The following SHC2 variants were observed in gnomAD, a reference collection of about 807,000 sequenced individuals.
SHC2 encodes the protein SHC-transforming protein 2.
In SHC2, 62 loss-of-function variants were observed where a neutral mutation model predicts 60.6. The ratio of observed to expected loss-of-function variants is 1.02; its 90% CI spans 0.83 to 1.26. The LOEUF is 1.26. Ranked by LOEUF, SHC2 falls within the 50% of genes most tolerant of loss-of-function variation. The probability of loss-of-function intolerance (pLI) is 0.00; values close to 1 mark genes in which losing one functional copy is unlikely to be tolerated. For synonymous variants in SHC2, 375 were observed against 372.4 expected (o/e 1.01, Z -0.08); for missense variants, 873 against 822.2 (o/e 1.06, Z -0.76).
Position 446,603 on chromosome 19 carries a change from C to T in SHC2, c.469-5671G>A, listed in dbSNP as rs1975060218. Among the ~76,000 whole-genome samples, 2 of 152,184 alleles carry T rather than the reference C, an allele frequency of 1.3e-5. No individual in the cohort carries two copies. The highest frequency in any genetic ancestry group is 2.4e-5 in the African/African-American group (1 of 41,440). The stretch of plus-strand genomic sequence containing the variant: ...TACAGGCGTGAGTCACCGCGCCCGG[C>T]TGTCTGTGTTGTTTTAAGCCCCACA... On this transcript the variant is annotated intron_variant, in intron 1 of 12. Coordinates refer to ENST00000264554, the MANE Select transcript of SHC2 (RefSeq NM_012435.3). This position sits in a 1 kb window ranked among gnomAD's most constrained non-coding sequence, Gnocchi z 5.4.
chr19:434,880 A>G lies in SHC2; in HGVS notation c.954-15T>C. 1.2e-6 allele frequency: 2 copies of G among 1,606,820 alleles called. No homozygotes were observed. Among genetic ancestry groups the G allele is most frequent in the African/African-American group, 1.3e-5 (1 of 74,994 alleles). ...GCCCTGCCAGCCTGGGGGACAGACAACAACGGCCATGGCACAGGCAGGGCC... is the reference window on the plus strand; with the variant it reads ...GCCCTGCCAGCCTGGGGGACAGACAGCAACGGCCATGGCACAGGCAGGGCC... On this transcript the variant is annotated splice_polypyrimidine_tract_variant and intron_variant, in intron 7 of 12. Transcript: ENST00000264554.
Position 441,263 on chromosome 19 carries a change from G to A in SHC2, c.469-331C>T. 1.4e-6 allele frequency: 1 copy of A among 690,718 alleles called. No individual in the cohort carries two copies. Among genetic ancestry groups the A allele is most frequent in the South Asian group, 6.8e-5 (1 of 14,674 alleles). 42.8% of individuals were successfully genotyped at this position (690,718 alleles called of 1,614,324 possible). A position where few individuals can be genotyped will look rare whatever the true frequency, so the allele number is the denominator to read the frequency against. On this transcript the variant is annotated intron_variant, in intron 1 of 12. Coordinates refer to ENST00000264554, the MANE Select transcript of SHC2 (RefSeq NM_012435.3). This position sits in a 1 kb window ranked among gnomAD's most constrained non-coding sequence, Gnocchi z 4.9. ...GTTCCACCAGCACCGAAGCCGAGGA[G>A]CGTGGGGATGGTGCGATCCTGAGCA...
At chr19:443,114 T>C (rs1319108671) in intron 1 of SHC2, among the ~76,000 whole-genome samples, 2 of 82,096 alleles carry the variant, frequency 2.4e-5, no homozygotes, top group Non-Finnish European at 5.0e-5. Context: ...AGATGGGTGG[T>C]TGGATGGGTG....
chr19:418,916 C>T lies in SHC2; in HGVS notation c.*5+7G>A. 6.3e-7 allele frequency: 1 copy of T among 1,580,924 alleles called. No homozygotes were observed. On this transcript the variant is annotated splice_region_variant and intron_variant, in intron 12 of 12. Coordinates refer to ENST00000264554, the MANE Select transcript of SHC2 (RefSeq NM_012435.3). ...AAGGCCAGCGACCCACGGCGGCAGC[C>T]ACACACCTGGCTCAGGGCTCCCGTG...
At chr19:457,159 A>G (rs868515810) in intron 1 of SHC2, among the ~76,000 whole-genome samples, 6 of 102,928 alleles carry the variant, frequency 5.8e-5, no homozygotes, top group Admixed American at 1.8e-4. Context: ...CCACCACATC[A>G]GGCCTTTGCA....
chr19:418,549 G>C (rs188910269), intron 12 of SHC2, among the ~76,000 whole-genome samples: 1 of 152,234 alleles, frequency 6.6e-6, no homozygotes, highest in African/African-American at 2.4e-5. Context: ...GCTCTGGCCC[G>C]GGCCACGGCG....
chr19:418,787 G>T, intron 12 of SHC2, 136 bp downstream of exon 12: 3 of 980,056 alleles, frequency 3.1e-6, no homozygotes, highest in Non-Finnish European at 4.3e-6. Context: ...TGGTTGCACG[G>T]CTCGGATGCT....
rs1448579444 is a variant in SHC2, at chr19:453,636, C to T, written c.468+6893G>A. On this transcript the variant is annotated intron_variant, in intron 1 of 12. Transcript: ENST00000264554. This position sits in a 1 kb window ranked among gnomAD's most constrained non-coding sequence, Gnocchi z 6.3. ...CATCCACCGTGTCAACTGGCCACACCTGACCCCTCGCCTTCAAGGAAAAGC... is the reference window on the plus strand; with the variant it reads ...CATCCACCGTGTCAACTGGCCACACTTGACCCCTCGCCTTCAAGGAAAAGC... 1.3e-5 allele frequency among the ~76,000 whole-genome samples: 2 copies of T among 152,178 alleles called. No homozygotes were observed. The highest frequency in any genetic ancestry group is 2.4e-5 in the African/African-American group (1 of 41,450).
At chr19:439,089 G>T in intron 2 of SHC2, 59 bp from the exon 3 acceptor site, 1 of 1,060,930 alleles carries the variant, frequency 9.4e-7, no homozygotes, top group South Asian at 1.4e-5. Context: ...GAGGGAGCTG[G>T]GGAGGAAGGG....
intron 2 of SHC2, chr19:439,445 CG>C: frequency 4.4e-6 from 1 of 224,800 alleles, no homozygotes; most frequent in Non-Finnish European, 8.6e-6. Context: ...GAGCCTGACG[CG>C]GGGTCCGTGT....
chr19:446,918 G>A lies in SHC2; in HGVS notation c.469-5986C>T, dbSNP rs1033945613. Among the ~76,000 whole-genome samples the A allele has an allele frequency of 4.6e-5, 7 of 152,106 alleles. No individual in the cohort carries two copies. The highest frequency in any genetic ancestry group is 1.7e-4 in the African/African-American group (7 of 41,412). The stretch of plus-strand genomic sequence containing the variant: ...GCACTCCCAGCCTGGGAGACCGTCC[G>A]AGTCTCCGCCACCGCCCACGCCAGC... On this transcript the variant is annotated intron_variant, in intron 1 of 12. Transcript: ENST00000264554. This position sits in a 1 kb window ranked among gnomAD's most constrained non-coding sequence, Gnocchi z 5.4.
intron 1 of SHC2, among the ~76,000 whole-genome samples, chr19:448,295 G>A (rs962141256): frequency 4.6e-5 from 7 of 152,200 alleles, no homozygotes; most frequent in East Asian, 3.9e-4. Flanking sequence ...TCCCAGAGCC[G>A]GGAGTCTGAG....
At chr19:436,105 C>G in intron 7 of SHC2, 60 bp downstream of exon 7, 1 of 1,578,718 alleles carries the variant, frequency 6.3e-7, no homozygotes, top group East Asian at 2.3e-5. Flanking sequence ...GGAGCAGGCT[C>G]TGCACCTGGG....
At chr19:427,728 G>T (rs1260677632) in intron 9 of SHC2, among the ~76,000 whole-genome samples, 1 of 84,286 alleles carries the variant, frequency 1.2e-5, no homozygotes, top group Admixed American at 1.2e-4. Flanking sequence ...ACGGCACAGG[G>T]AAGGGGGAAC....
At chr19:427,240 G>A (rs562183923) in intron 9 of SHC2, among the ~76,000 whole-genome samples, 2 of 152,356 alleles carry the variant, frequency 1.3e-5, no homozygotes, top group South Asian at 4.1e-4. Flanking sequence ...ACAGGCAGCC[G>A]CAGGCGGGGC....
In SHC2 at chr19:436,200, C is replaced by T. The variant is rs1303163199; in HGVS notation, c.918G>A (p.Leu306=). The change falls in exon 7 of 13, where the codon CTG becomes CTA. Residue 306 remains leucine, a synonymous_variant. Transcript: ENST00000264554. Reference sequence around the variant, plus strand: ...GCAGCGCCACCTTGGGCGGGCTGTGCAGGTACTGCTTGAAGCGCAGCTCGA... The same window carrying T: ...GCAGCGCCACCTTGGGCGGGCTGTGTAGGTACTGCTTGAAGCGCAGCTCGA... ...QAFELRFKQY[L]HSPPKVALPP... The T allele has an allele frequency of 1.2e-6, 2 of 1,609,340 alleles. No individual in the cohort carries two copies. The highest frequency in any genetic ancestry group is 4.5e-5 in the East Asian group (2 of 44,786).
In SHC2 at chr19:422,715, C is replaced by T; in HGVS notation, c.1310-259G>A. On this transcript the variant is annotated intron_variant, in intron 10 of 12. Coordinates refer to ENST00000264554, the MANE Select transcript of SHC2 (RefSeq NM_012435.3). This position sits in a 1 kb window ranked among gnomAD's most constrained non-coding sequence, Gnocchi z 5.0. ...GCATGTACAAAGGGTAACAGCAGCT[C>T]TTTCTTTCAGAGGTTAACTCCTATT... is the stretch of plus-strand genomic sequence containing the variant. The T allele has an allele frequency of 2.4e-6, 1 of 408,184 alleles. No individual in the cohort carries two copies. The highest frequency in any genetic ancestry group is 4.3e-6 in the Non-Finnish European group (1 of 230,946). 25.3% of individuals were successfully genotyped at this position (408,184 alleles called of 1,614,324 possible).
At position 446,172 on chromosome 19, in the gene SHC2, GAGAGGCCTGGGAC is replaced by G. The variant is rs1249040032; in HGVS notation, c.469-5253_469-5241del. 2.6e-5 allele frequency among the ~76,000 whole-genome samples: 4 copies of G among 152,172 alleles called. No homozygotes were observed. Among genetic ancestry groups the G allele is most frequent in the Non-Finnish European group, 4.4e-5 (3 of 68,038 alleles). ...CGGCCCCCAGGCACCAGACACGGGAGAGAGGCCTGGGACAGAGCCTCCCTCAGAGCCTCCAGCA... is the reference window on the plus strand; with the variant it reads ...CGGCCCCCAGGCACCAGACACGGGAGAGAGCCTCCCTCAGAGCCTCCAGCA... On this transcript the variant is annotated intron_variant, in intron 1 of 12. Transcript: ENST00000264554. This position sits in a 1 kb window ranked among gnomAD's most constrained non-coding sequence, Gnocchi z 5.4.
chr19:451,640 C>T (rs1975201808), intron 1 of SHC2, among the ~76,000 whole-genome samples: 1 of 152,206 alleles, frequency 6.6e-6, no homozygotes, highest in Non-Finnish European at 1.5e-5. Flanking sequence ...CTCTGTCGCC[C>T]AGGCTGGAGT....
Sources: gnomAD v4.1 joint callset for allele counts (sites outside exome capture counted in the v4.1 genomes callset) on GRCh38, gnomAD v4.1.1 for gene constraint, Gnocchi (gnomAD v3.1) non-coding constraint, MANE v1.5 for transcripts, NCBI Gene and HGNC (gene_info 2026-07-23, HGNC 2026-07-21) for gene names.